The following CADPS2 variants were observed in gnomAD, a reference collection of about 807,000 sequenced individuals.
CADPS2 encodes calcium-dependent secretion activator 2.
CADPS2 carries 93 observed loss-of-function variants against 172.5 expected under a neutral mutation model. That is an observed-to-expected ratio of 0.54 (90% confidence interval 0.46 to 0.64). CADPS2 has a LOEUF of 0.64. Among genes scored for constraint, CADPS2 ranks in the 30% least tolerant of loss-of-function variants. CADPS2 has a pLI of 0.00. For synonymous variants in CADPS2, 546 were observed against 555.2 expected, an observed-to-expected ratio of 0.98 and a Z score of 0.23; for missense variants, 1,420 against 1,565.9, an observed-to-expected ratio of 0.91 and a Z score of 1.57.
rs57311950 is a variant in CADPS2, at chr7:122,432,643, T to TAAA, written c.2476+5695_2476+5697dup. On this transcript the variant is annotated intron_variant, in intron 17 of 29. Coordinates refer to ENST00000449022, the MANE Select transcript of CADPS2 (RefSeq NM_017954.11). ...GCAACAAGGCAAGACTCTGTTAAAA[T>TAAA]AAAAAAAAAAAAAAAAAAGAAAAAA... is the stretch of plus-strand genomic sequence containing the variant. Among the ~76,000 whole-genome samples, 83 of 108,534 alleles carry TAAA rather than the reference T, an allele frequency of 7.6e-4. 1 individual carries two copies. Among genetic ancestry groups the TAAA allele is most frequent in the African/African-American group, 2.5e-3 (74 of 29,446 alleles). 71.2% of individuals were successfully genotyped at this position (108,534 alleles called of 152,430 possible).
At chr7:122,697,905 A>C in intron 2 of CADPS2, 1 of 1,613,902 alleles carries the variant, frequency 6.2e-7, no homozygotes, top group Non-Finnish European at 8.5e-7. Context: ...GAGAAACTTC[A>C]TTATTTGTCT....
chr7:122,715,792 CT>C (rs2089509249), intron 2 of CADPS2, among the ~76,000 whole-genome samples: 1 of 151,998 alleles, frequency 6.6e-6, no homozygotes, highest in Non-Finnish European at 1.5e-5. Context: ...TGGTCTGCCC[CT>C]AGTAAGGTAC....
chr7:122,618,095 T>C (rs964937084), intron 5 of CADPS2, among the ~76,000 whole-genome samples: 11 of 152,176 alleles, frequency 7.2e-5, no homozygotes, highest in African/African-American at 2.4e-4. Flanking sequence ...TTCCCCCACT[T>C]TCCACTTCTT....
rs763442994 is a variant in CADPS2, at chr7:122,325,470, T to G, written c.3717+7A>C. On this transcript the variant is annotated splice_region_variant and intron_variant, in intron 29 of 29. Transcript: ENST00000449022. Reference sequence around the variant, plus strand: ...GGGCAATTCATATCTAAACACATTTTGTTTACCTTCACAATCTTGATGAGC... The same window carrying G: ...GGGCAATTCATATCTAAACACATTTGGTTTACCTTCACAATCTTGATGAGC... The G allele has an allele frequency of 6.3e-7, 1 of 1,577,412 alleles. No individual in the cohort carries two copies. The highest frequency in any genetic ancestry group is 8.7e-7 in the Non-Finnish European group (1 of 1,152,124).
chr7:122,713,263 G>A (rs748645782), intron 2 of CADPS2, among the ~76,000 whole-genome samples: 1 of 151,120 alleles, frequency 6.6e-6, no homozygotes, highest in Non-Finnish European at 1.5e-5. Flanking sequence ...GTTGAATTTT[G>A]CAAGTTTAAT....
At chr7:122,509,148 G>C (rs1006598249) in intron 9 of CADPS2, among the ~76,000 whole-genome samples, 12 of 152,148 alleles carry the variant, frequency 7.9e-5, no homozygotes, top group African/African-American at 2.9e-4. Context: ...TCATTCTCAA[G>C]TGAGTGAGAG....
chr7:122,826,478 G>A (rs1202798739), intron 1 of CADPS2, among the ~76,000 whole-genome samples: 2 of 151,972 alleles, frequency 1.3e-5, no homozygotes, highest in Non-Finnish European at 2.9e-5. Flanking sequence ...CAACAGAAAT[G>A]ACAGAAATGT....
At chr7:122,635,150 A>T (rs1308664703) in intron 3 of CADPS2, among the ~76,000 whole-genome samples, 1 of 152,144 alleles carries the variant, frequency 6.6e-6, no homozygotes, top group African/African-American at 2.4e-5. Flanking sequence ...TATTCTGTAG[A>T]TGTCTATTAG....
chr7:122,580,700 T>C (rs1197013064), intron 7 of CADPS2, among the ~76,000 whole-genome samples: 1 of 152,024 alleles, frequency 6.6e-6, no homozygotes, highest in African/African-American at 2.4e-5. Context: ...TTAAAAGGTG[T>C]GAGAAAAAGG....
chr7:122,480,008 A>C (rs529933066), intron 12 of CADPS2: 1 of 431,716 alleles, frequency 2.3e-6, no homozygotes, highest in Non-Finnish European at 4.9e-6. Flanking sequence ...AGAGACAGTG[A>C]AAACCAGGGT....
intron 4 of CADPS2, among the ~76,000 whole-genome samples, chr7:122,626,529 C>T (rs2076107082): frequency 1.3e-5 from 2 of 151,956 alleles, no homozygotes; most frequent in African/African-American, 4.8e-5. Flanking sequence ...AAACTGTAAC[C>T]ACCCACCACC....
chr7:122,815,591 A>G (rs1801121992), intron 1 of CADPS2, among the ~76,000 whole-genome samples: 1 of 151,728 alleles, frequency 6.6e-6, no homozygotes, highest in Non-Finnish European at 1.5e-5. Context: ...TGGAGGAAAA[A>G]AAAAATCCAT....
chr7:122,696,595 C>T (rs1293326724), intron 2 of CADPS2, among the ~76,000 whole-genome samples: 1 of 152,136 alleles, frequency 6.6e-6, no homozygotes, highest in Non-Finnish European at 1.5e-5. Flanking sequence ...TCACAAGATT[C>T]CTCTTCACTA....
intron 2 of CADPS2, among the ~76,000 whole-genome samples, chr7:122,670,304 C>A (rs1201218628): frequency 1.3e-5 from 2 of 152,084 alleles, no homozygotes; most frequent in African/African-American, 4.8e-5. Context: ...GAAGACTGGG[C>A]ACAGTGGCTC....
chr7:122,506,024 A>C (rs2059583653), intron 9 of CADPS2, among the ~76,000 whole-genome samples: 1 of 152,130 alleles, frequency 6.6e-6, no homozygotes, highest in African/African-American at 2.4e-5. Context: ...TTGTACTCAG[A>C]CCTGTATCAG....
At chr7:122,632,717 AT>A (rs1415646535) in intron 3 of CADPS2, among the ~76,000 whole-genome samples, 1 of 152,244 alleles carries the variant, frequency 6.6e-6, no homozygotes, top group East Asian at 1.9e-4. Flanking sequence ...CCACTTGTCA[AT>A]TTTTGTTTTC....
chr7:122,396,924 GATGA>G lies in CADPS2; in HGVS notation c.2747-3346_2747-3343del, dbSNP rs1585602870. 2.0e-5 allele frequency among the ~76,000 whole-genome samples: 3 copies of G among 152,286 alleles called. No individual in the cohort carries two copies. In the East Asian group the frequency reaches 5.8e-4, roughly 29 times the overall value. ...AGAGCAAGTAATCAAATGTTTGTTG[GATGA>G]ATGAATATTTGAAGGCTAAGATTAT... is the stretch of plus-strand genomic sequence containing the variant. On this transcript the variant is annotated intron_variant, in intron 20 of 29. Transcript: ENST00000449022.
intron 15 of CADPS2, among the ~76,000 whole-genome samples, chr7:122,443,198 G>C (rs2051609008): frequency 6.6e-6 from 1 of 152,132 alleles, no homozygotes; most frequent in Non-Finnish European, 1.5e-5. Flanking sequence ...GTCCCACTGG[G>C]TATGTTCTAA....
Position 122,762,012 on chromosome 7 carries a change from AAAT to A in CADPS2, c.340-24947_340-24945del, listed in dbSNP as rs1364692804. On this transcript the variant is annotated intron_variant, in intron 1 of 29. Transcript: ENST00000449022. ...ACTCTGCCTCAAAAAAAAAAAAAAA[AAAT>A]ATATATATATATATACACACACACA... Among the ~76,000 whole-genome samples the A allele has an allele frequency of 4.1e-3, 386 of 95,190 alleles. 3 individuals are homozygous for A. Among genetic ancestry groups the A allele is most frequent in the African/African-American group, 0.014 (365 of 25,844 alleles). 62.4% of individuals were successfully genotyped at this position (95,190 alleles called of 152,430 possible). A position where few individuals can be genotyped will look rare whatever the true frequency, so the allele number is the denominator to read the frequency against.
Sources: allele counts gnomAD v4.1 joint callset (sites outside exome capture counted in the v4.1 genomes callset), GRCh38; gene constraint gnomAD v4.1.1; transcripts MANE v1.5; gene names NCBI Gene and HGNC (gene_info 2026-07-23, HGNC 2026-07-21).